The following CNTN5 variants were observed in gnomAD, a reference collection of about 807,000 sequenced individuals.
CNTN5 encodes contactin-5.
In CNTN5, 77 loss-of-function variants were observed where a neutral mutation model predicts 129.1. The ratio of observed to expected loss-of-function variants is 0.60; its 90% CI spans 0.50 to 0.72. The LOEUF (loss-of-function observed/expected upper bound fraction) is 0.72. Ranked by LOEUF, CNTN5 falls within the 30% of genes least tolerant of loss-of-function variation. The probability of loss-of-function intolerance (pLI) is 0.00; values close to 1 mark genes in which losing one functional copy is unlikely to be tolerated. For synonymous variants in CNTN5, 509 were observed against 465.6 expected, an observed-to-expected ratio of 1.09 and a Z score of -1.20; for missense variants, 1,478 against 1,328.8, an observed-to-expected ratio of 1.11 and a Z score of -1.75.
At chr11:99,139,936 A>G (rs1859431243) in intron 1 of CNTN5, among the ~76,000 whole-genome samples, 1 of 152,122 alleles carries the variant, frequency 6.6e-6, no homozygotes, top group South Asian at 2.1e-4. Context: ...CAAAAACCTC[A>G]GATCGATATT....
intron 1 of CNTN5, among the ~76,000 whole-genome samples, chr11:99,304,408 A>G (rs1427748472): frequency 6.6e-6 from 1 of 152,152 alleles, no homozygotes; most frequent in Non-Finnish European, 1.5e-5. Context: ...ATATAAATCA[A>G]TTTGTCTTAG....
At chr11:100,105,227 T>C (rs757992856) in intron 13 of CNTN5, among the ~76,000 whole-genome samples, 6 of 152,092 alleles carry the variant, frequency 3.9e-5, no homozygotes, top group Non-Finnish European at 8.8e-5. Flanking sequence ...GAACACAGGG[T>C]TTATTTGCCT....
intron 3 of CNTN5, among the ~76,000 whole-genome samples, chr11:99,773,182 C>T (rs1038019844): frequency 1.3e-5 from 2 of 152,080 alleles, no homozygotes; most frequent in South Asian, 2.1e-4. Context: ...TTTTAATTTG[C>T]GTTCAAGTAG....
chr11:99,081,788 T>A (rs1591160535), intron 1 of CNTN5, among the ~76,000 whole-genome samples: 1 of 152,164 alleles, frequency 6.6e-6, no homozygotes, highest in East Asian at 1.9e-4. Flanking sequence ...TCACATTGAA[T>A]ATTTTGTTAG....
At chr11:99,376,277 C>T (rs1940175612) in intron 2 of CNTN5, among the ~76,000 whole-genome samples, 1 of 152,048 alleles carries the variant, frequency 6.6e-6, no homozygotes, top group Non-Finnish European at 1.5e-5. Flanking sequence ...GGGCTTAAAA[C>T]AATAGACATG....
intron 10 of CNTN5, among the ~76,000 whole-genome samples, chr11:100,070,157 T>C (rs1180963284): frequency 7.9e-6 from 1 of 127,050 alleles, no homozygotes; most frequent in East Asian, 2.4e-4. Flanking sequence ...ACTAAACCAC[T>C]TAAAGTCCAA....
At chr11:99,288,296 C>T (rs1864027257) in intron 1 of CNTN5, among the ~76,000 whole-genome samples, 1 of 151,670 alleles carries the variant, frequency 6.6e-6, no homozygotes, top group Non-Finnish European at 1.5e-5. Context: ...TGAAATTTAG[C>T]CAATTAGAAG....
intron 2 of CNTN5, among the ~76,000 whole-genome samples, chr11:99,362,337 T>G (rs1939168732): frequency 6.6e-6 from 1 of 151,934 alleles, no homozygotes; most frequent in Non-Finnish European, 1.5e-5. Context: ...GTTGTTTATT[T>G]TGTTATTGTT....
chr11:100,131,660 A>G (rs920571367), intron 13 of CNTN5, among the ~76,000 whole-genome samples: 1 of 152,072 alleles, frequency 6.6e-6, no homozygotes, highest in South Asian at 2.1e-4. Context: ...AAGGCTGACC[A>G]GAGAGGTAGG....
chr11:99,741,577 T>C (rs1225260116), intron 3 of CNTN5, among the ~76,000 whole-genome samples: 1 of 152,144 alleles, frequency 6.6e-6, no homozygotes, highest in Non-Finnish European at 1.5e-5. Flanking sequence ...TAAACTTGTA[T>C]CAAGTATCTG....
At chr11:100,099,295 AC>A (rs1257356693) in intron 13 of CNTN5, among the ~76,000 whole-genome samples, 1 of 141,482 alleles carries the variant, frequency 7.1e-6, no homozygotes, top group Admixed American at 7.4e-5. Flanking sequence ...TGAACATCCC[AC>A]ATTTCAGGCA....
chr11:99,285,439 A>T (rs1863890319), intron 1 of CNTN5, among the ~76,000 whole-genome samples: 1 of 152,142 alleles, frequency 6.6e-6, no homozygotes, highest in Admixed American at 6.6e-5. Context: ...AGGAGGGAAC[A>T]TTGATTCATA....
chr11:100,072,980 T>C (rs897001179), intron 12 of CNTN5, among the ~76,000 whole-genome samples: 2 of 75,766 alleles, frequency 2.6e-5, no homozygotes, highest in African/African-American at 1.8e-4. Flanking sequence ...TAAATTCTAT[T>C]CCCAGGAGGC....
Position 100,233,750 on chromosome 11 carries a change from C to T in CNTN5, c.2005+8938C>T, listed in dbSNP as rs192873384. Among the ~76,000 whole-genome samples the T allele has an allele frequency of 7.2e-5, 11 of 152,190 alleles. No individual in the cohort carries two copies. The East Asian group carries it at 1.7e-3, about 24-fold the overall frequency. On this transcript the variant is annotated intron_variant, in intron 16 of 24. Transcript: ENST00000524871. ...GGGTTTTGCTAGAAAGGAAGAACTT[C>T]GTTGCCATTGCTTTTGGTGTTTTAG...
intron 9 of CNTN5, among the ~76,000 whole-genome samples, chr11:100,011,257 G>C (rs1368926360): frequency 6.6e-6 from 1 of 152,070 alleles, no homozygotes; most frequent in African/African-American, 2.4e-5. Flanking sequence ...AAGAGCACTA[G>C]ATATGTCAAC....
intron 2 of CNTN5, among the ~76,000 whole-genome samples, chr11:99,457,747 T>A (rs1944548759): frequency 6.6e-6 from 1 of 151,808 alleles, no homozygotes; most frequent in South Asian, 2.1e-4. Flanking sequence ...ATATTATTTT[T>A]ATAAATATGG....
chr11:99,478,677 A>G (rs918374079), intron 2 of CNTN5, among the ~76,000 whole-genome samples: 3 of 152,258 alleles, frequency 2.0e-5, no homozygotes, highest in South Asian at 4.1e-4. Context: ...TTAAACCAAG[A>G]TAACATGTAA....
At chr11:100,315,754 G>C (rs1437018941) in intron 21 of CNTN5, among the ~76,000 whole-genome samples, 1 of 152,112 alleles carries the variant, frequency 6.6e-6, no homozygotes, top group Non-Finnish European at 1.5e-5. Context: ...TCAAATATTT[G>C]AGAAATTTTG....
At chr11:100,291,786 TAAAA>T (rs1294956619) in intron 18 of CNTN5, among the ~76,000 whole-genome samples, 279 of 51,752 alleles carry the variant, frequency 5.4e-3, no homozygotes, top group East Asian at 0.02. Flanking sequence ...AATAAATAAA[TAAAA>T]AATATAAATA....
Sources: allele counts gnomAD v4.1 joint callset (sites outside exome capture counted in the v4.1 genomes callset), GRCh38; gene constraint gnomAD v4.1.1; transcripts MANE v1.5; gene names NCBI Gene and HGNC (gene_info 2026-07-23, HGNC 2026-07-21).